The following PTPRS variants were observed in gnomAD, a reference collection of about 807,000 sequenced individuals.
PTPRS encodes the protein protein tyrosine phosphatase receptor type S.
A neutral mutation model predicts 215.3 loss-of-function variants in PTPRS; 63 were observed. That is an observed-to-expected ratio of 0.29 (90% CI 0.24 to 0.36). The LOEUF (loss-of-function observed/expected upper bound fraction) is 0.36, where lower values mean the gene tolerates loss of function less well. Ranked by LOEUF, PTPRS falls within the 10% of genes least tolerant of loss-of-function variation. The probability of loss-of-function intolerance (pLI) is 1.00; values close to 1 mark genes in which losing one functional copy is unlikely to be tolerated. For missense variants in PTPRS, 2,258 were observed against 2,825.8 expected (o/e 0.80, Z 4.56); for synonymous variants, 1,404 against 1,191.4 (o/e 1.18, Z -3.68).
At chr19:5,271,159 G>A (rs1420433538) in intron 4 of PTPRS, among the ~76,000 whole-genome samples, 1 of 152,198 alleles carries the variant, frequency 6.6e-6, no homozygotes, top group Non-Finnish European at 1.5e-5. Flanking sequence ...GCTGGCAGTG[G>A]CTCATATACA....
At position 5,222,825 on chromosome 19, in the gene PTPRS, C is replaced by T. The variant is rs199735176; in HGVS notation, c.2967G>A (p.Pro989=). The T allele has an allele frequency of 3.4e-4, 550 of 1,595,164 alleles. 3 individuals are homozygous for T. In the South Asian group the frequency reaches 5.1e-3, roughly 15 times the overall value. ...GCAGCGTGAGCGCGTTCTCCGCGCCCGGCTCAGCCGCTGCCGGCAGCTCAG... is the reference window on the plus strand; with the variant it reads ...GCAGCGTGAGCGCGTTCTCCGCGCCTGGCTCAGCCGCTGCCGGCAGCTCAG... The part of the protein sequence containing the change: ...RETELPAAAE[P]GAENALTLQG... The change falls in exon 18 of 38, where the codon CCG becomes CCA. Residue 989 remains proline (P), a synonymous_variant. Coordinates refer to ENST00000262963, the MANE Select transcript of PTPRS (RefSeq NM_002850.4).
chr19:5,300,767 C>CAAAAA (rs59799136), intron 1 of PTPRS, among the ~76,000 whole-genome samples: 34 of 97,366 alleles, frequency 3.5e-4, no homozygotes, highest in African/African-American at 7.0e-4. Context: ...GACTCCGTCT[C>CAAAAA]AAAAAAAAAA....
In PTPRS at chr19:5,221,984, C is replaced by T. The variant is rs1224730025; in HGVS notation, c.3201+139G>A. 1.5e-5 allele frequency: 10 copies of T among 683,278 alleles called. No homozygotes were observed. The South Asian group carries it at 1.5e-4, about 11-fold the overall frequency. The allele number at this position is 683,278 out of a possible 1,614,324, so 42.3% of individuals were successfully genotyped here. A position where few individuals can be genotyped will look rare whatever the true frequency, so the allele number is the denominator to read the frequency against. On this transcript the variant is annotated intron_variant, in intron 19 of 37. Transcript: ENST00000262963. ...AGTCTGATTCCCAGTATTGACTAAGCCTCAATCCTAGCTGAGACCCATCTC... is the reference window on the plus strand; with the variant it reads ...AGTCTGATTCCCAGTATTGACTAAGTCTCAATCCTAGCTGAGACCCATCTC...
intron 25 of PTPRS, among the ~76,000 whole-genome samples, chr19:5,217,097 G>A (rs1180456420): frequency 6.6e-6 from 1 of 152,258 alleles, no homozygotes; most frequent in Non-Finnish European, 1.5e-5. Context: ...GGCATTCTGA[G>A]GAAGGAGGAT....
At chr19:5,298,635 C>T (rs1003735289) in intron 1 of PTPRS, among the ~76,000 whole-genome samples, 3 of 152,248 alleles carry the variant, frequency 2.0e-5, no homozygotes, top group African/African-American at 7.2e-5. Flanking sequence ...CCCGCCTCAC[C>T]CATGTTCACA....
intron 4 of PTPRS, among the ~76,000 whole-genome samples, chr19:5,266,470 T>G (rs1465995650): frequency 1.3e-5 from 2 of 151,962 alleles, no homozygotes; most frequent in Non-Finnish European, 2.9e-5. Flanking sequence ...TTATTTTTTT[T>G]GAGATGGAGT....
intron 13 of PTPRS, 62 bp downstream of exon 13, chr19:5,238,857 G>T: frequency 6.7e-7 from 1 of 1,493,040 alleles, no homozygotes; most frequent in South Asian, 1.4e-5. Flanking sequence ...TCTGCCGAGG[G>T]GCTGTCTGCG....
rs2040314683 is a variant in PTPRS at position 5,205,723 on chromosome 19, GGGT to G, written c.*1048_*1050del. Among the ~76,000 whole-genome samples the G allele has an allele frequency of 6.6e-6, 1 of 152,124 alleles. No homozygotes were observed. Among genetic ancestry groups the G allele is most frequent in the African/African-American group, 2.4e-5 (1 of 41,432 alleles). Reference sequence around the variant, plus strand: ...ACTGCCCCACAGTCCCAGGGGGAAAGGGTCCCTGATGTGGGGCAGCACAGCCAT... The same window carrying G: ...ACTGCCCCACAGTCCCAGGGGGAAAGCCCTGATGTGGGGCAGCACAGCCAT... On this transcript the variant is annotated 3_prime_UTR_variant, in exon 38 of 38. Transcript: ENST00000262963.
chr19:5,334,467 G>A (rs915073455), intron 1 of PTPRS, among the ~76,000 whole-genome samples: 4 of 152,212 alleles, frequency 2.6e-5, no homozygotes, highest in Non-Finnish European at 5.9e-5. Flanking sequence ...TCCATAGACA[G>A]ATGAGGAAGA....
rs1461529029 is a variant in PTPRS at position 5,206,617 on chromosome 19, G to GA, written c.*156dup. On this transcript the variant is annotated 3_prime_UTR_variant, in exon 38 of 38. Coordinates refer to ENST00000262963, the MANE Select transcript of PTPRS (RefSeq NM_002850.4). ...GCGGCCGGGGCCGGTGGGGGGGCTC[G>GA]AGGGGCTGCGTCGTCCTCGGAAATG... 6.5e-6 allele frequency: 4 copies of GA among 611,822 alleles called. No individual in the cohort carries two copies. The African/African-American group carries it at 7.6e-5, about 12-fold the overall frequency. 37.9% of individuals were successfully genotyped at this position (611,822 alleles called of 1,614,324 possible). A position where few individuals can be genotyped will look rare whatever the true frequency, so the allele number is the denominator to read the frequency against.
chr19:5,302,672 T>A (rs866736417), intron 1 of PTPRS, among the ~76,000 whole-genome samples: 1 of 152,222 alleles, frequency 6.6e-6, no homozygotes, highest in African/African-American at 2.4e-5. Context: ...AAGGGAGTCA[T>A]TGCTGGTGTG....
At chr19:5,326,978 C>G (rs540530964) in intron 1 of PTPRS, among the ~76,000 whole-genome samples, 1 of 152,204 alleles carries the variant, frequency 6.6e-6, no homozygotes, top group Non-Finnish European at 1.5e-5. Context: ...TAGAGAGTCA[C>G]AACTGACCCT....
chr19:5,320,118 G>A (rs997005516), intron 1 of PTPRS, among the ~76,000 whole-genome samples: 5 of 152,164 alleles, frequency 3.3e-5, no homozygotes, highest in Admixed American at 2.6e-4. Flanking sequence ...GGAGGCTGAC[G>A]GCGGAAGCCT....
At chr19:5,292,519 A>G (rs555768247) in intron 1 of PTPRS, among the ~76,000 whole-genome samples, 1 of 152,298 alleles carries the variant, frequency 6.6e-6, no homozygotes, top group South Asian at 2.1e-4. Context: ...AAAGAAAGGT[A>G]CGAGCTGCCC....
chr19:5,300,662 T>C (rs1304047572), intron 1 of PTPRS, among the ~76,000 whole-genome samples: 1 of 150,338 alleles, frequency 6.7e-6, no homozygotes, highest in Non-Finnish European at 1.5e-5. Flanking sequence ...TCCCAGCTAC[T>C]TGGGAGGCTG....
At chr19:5,316,329 T>C (rs1323824808) in intron 1 of PTPRS, among the ~76,000 whole-genome samples, 4 of 152,256 alleles carry the variant, frequency 2.6e-5, no homozygotes, top group East Asian at 3.8e-4. Flanking sequence ...AAAAGTCCTG[T>C]GTCCCGAGTC....
At chr19:5,272,373 G>A (rs1054768137) in intron 4 of PTPRS, among the ~76,000 whole-genome samples, 2 of 151,842 alleles carry the variant, frequency 1.3e-5, no homozygotes, top group Admixed American at 6.6e-5. Context: ...TGAGGCAGGC[G>A]GATCACTTGA....
At chr19:5,230,985 T>G (rs1363659046) in intron 14 of PTPRS, among the ~76,000 whole-genome samples, 2 of 152,168 alleles carry the variant, frequency 1.3e-5, no homozygotes, top group African/African-American at 4.8e-5. Flanking sequence ...ATCAGCACAT[T>G]GTTGTTGCAG....
At chr19:5,251,280 G>A (rs2045034592) in intron 9 of PTPRS, among the ~76,000 whole-genome samples, 1 of 141,460 alleles carries the variant, frequency 7.1e-6, no homozygotes, top group Admixed American at 7.0e-5. Context: ...CCTCCCTCCC[G>A]CCTCTCCCCC....
Sources: allele counts gnomAD v4.1 joint callset (sites outside exome capture counted in the v4.1 genomes callset), GRCh38; gene constraint gnomAD v4.1.1; transcripts MANE v1.5; gene names NCBI Gene and HGNC (gene_info 2026-07-23, HGNC 2026-07-21).